Variants in NECAB2 observed in about 807,000 individuals in gnomAD.
The protein encoded by NECAB2 is N-terminal EF-hand calcium binding protein 2, also known as N-terminal EF-hand calcium-binding protein 2.
NECAB2 carries 68 observed loss-of-function variants against 51.9 expected under a neutral mutation model. The observed-to-expected ratio is 1.31, with a 90% CI of 1.08 to 1.60. The LOEUF (loss-of-function observed/expected upper bound fraction) is 1.60. NECAB2 is among the 40% of genes most tolerant of loss of function. NECAB2 has a pLI of 0.00. For missense variants in NECAB2, 854 were observed against 490.3 expected, an observed-to-expected ratio of 1.74 and a Z score of -7.00; for synonymous variants, 329 against 203.5, an observed-to-expected ratio of 1.62 and a Z score of -5.25.
At chr16:83,986,737 C>T (rs1341530063) in intron 5 of NECAB2, among the ~76,000 whole-genome samples, 1 of 145,090 alleles carries the variant, frequency 6.9e-6, no homozygotes, top group Non-Finnish European at 1.5e-5. Context: ...TTAGACTAGT[C>T]TCAAACTCCT....
intron 10 of NECAB2, among the ~76,000 whole-genome samples, chr16:83,998,694 G>A (rs769741886): frequency 3.3e-5 from 5 of 152,190 alleles, no homozygotes; most frequent in African/African-American, 1.2e-4. Context: ...AGGGGTTCCT[G>A]CACACTTAAG....
intron 6 of NECAB2, among the ~76,000 whole-genome samples, chr16:83,990,913 T>G (rs1268808968): frequency 6.6e-6 from 1 of 152,220 alleles, no homozygotes; most frequent in Non-Finnish European, 1.5e-5. Context: ...AGACTCTAAT[T>G]TGTTTTGCTG....
At chr16:83,987,586 A>G (rs571620488) in intron 5 of NECAB2, among the ~76,000 whole-genome samples, 6 of 150,662 alleles carry the variant, frequency 4.0e-5, no homozygotes, top group Admixed American at 1.3e-4. Context: ...TCAAAAATCT[A>G]TTTCCTGCTC....
At chr16:83,998,355 G>C (rs1013356258) in intron 10 of NECAB2, 38 bp downstream of exon 10, 29 of 1,595,246 alleles carry the variant, frequency 1.8e-5, no homozygotes, top group Non-Finnish European at 2.5e-5. Flanking sequence ...GATGGTGGCA[G>C]GGAGCTCTGC....
At chr16:83,999,044 C>T (rs1336339960) in intron 10 of NECAB2, among the ~76,000 whole-genome samples, 1 of 152,156 alleles carries the variant, frequency 6.6e-6, no homozygotes, top group Non-Finnish European at 1.5e-5. Context: ...CCCCAGAGCA[C>T]ACACTCATTC....
intron 9 of NECAB2, among the ~76,000 whole-genome samples, chr16:83,997,477 A>G (rs1382008262): frequency 3.6e-5 from 3 of 82,386 alleles, no homozygotes; most frequent in African/African-American, 1.3e-4. Context: ...GGCTCCCTGG[A>G]CCTTTTTTTT....
chr16:83,986,277 A>G (rs1005550742), intron 5 of NECAB2, among the ~76,000 whole-genome samples: 1 of 152,206 alleles, frequency 6.6e-6, no homozygotes, highest in African/African-American at 2.4e-5. Flanking sequence ...TCAGTCTCCC[A>G]AAGTGCTGGG....
rs764157707 is a variant in NECAB2 at position 83,998,239 on chromosome 16, G to A, written c.884G>A (p.Cys295Tyr). 1.9e-6 allele frequency: 3 copies of A among 1,612,154 alleles called. No homozygotes were observed. The highest frequency in any genetic ancestry group is 2.7e-5 in the African/African-American group (2 of 74,926). The change falls in exon 10 of 13, where the codon TGC becomes TAC. Residue 295 changes from cysteine (C) to tyrosine (Y), a missense_variant. By Grantham distance (194) the Cys-to-Tyr change is radical (BLOSUM62 -2). Coordinates refer to ENST00000305202, the MANE Select transcript of NECAB2 (RefSeq NM_019065.3). Reference sequence around the variant, plus strand: ...CTGGTCCGGCAGGAGATGGCCGTGTGCCCCGAGCAACTGAGCGAGTTTCTG... The same window carrying A: ...CTGGTCCGGCAGGAGATGGCCGTGTACCCCGAGCAACTGAGCGAGTTTCTG... ...LQLVRQEMAV[C>Y]PEQLSEFLDS...
At position 84,000,870 on chromosome 16, in the gene NECAB2, C is replaced by T. The variant is rs965650483; in HGVS notation, c.1040+69C>T. 141 of 1,509,134 alleles carry T rather than the reference C, an allele frequency of 9.3e-5. 1 individual carries two copies. The African/African-American group carries it at 1.9e-3, about 20-fold the overall frequency. The allele number at this position is 1,509,134 out of a possible 1,614,324, so 93.5% of individuals were successfully genotyped here. A position where few individuals can be genotyped will look rare whatever the true frequency, so the allele number is the denominator to read the frequency against. ...AGTGGGGGGGCTGTCTTCCTGGAGC[C>T]AGGCATCCTTGGAGGGGAGGGTAAG... On this transcript the variant is annotated intron_variant, in intron 11 of 12. Coordinates refer to ENST00000305202, the MANE Select transcript of NECAB2 (RefSeq NM_019065.3).
At chr16:83,997,306 C>T (rs539887944) in intron 9 of NECAB2, 37 bp downstream of exon 9, 19 of 1,612,980 alleles carry the variant, frequency 1.2e-5, no homozygotes, top group South Asian at 1.1e-4. Context: ...GGGACCACAT[C>T]CCTACCCATG....
chr16:83,986,509 G>T (rs1227471528), intron 5 of NECAB2, among the ~76,000 whole-genome samples: 1 of 152,068 alleles, frequency 6.6e-6, no homozygotes, highest in African/African-American at 2.4e-5. Context: ...CAAACTTCCT[G>T]TGCATTTCTG....
intron 3 of NECAB2, among the ~76,000 whole-genome samples, chr16:83,979,087 C>A (rs1166590471): frequency 6.6e-6 from 1 of 152,198 alleles, no homozygotes; most frequent in Non-Finnish European, 1.5e-5. Flanking sequence ...ACTCTGTCTC[C>A]ACCCATCTCT....
At chr16:83,997,779 C>T (rs1009742465) in intron 9 of NECAB2, among the ~76,000 whole-genome samples, 7 of 152,112 alleles carry the variant, frequency 4.6e-5, no homozygotes, top group African/African-American at 1.7e-4. Flanking sequence ...AGGCGTGAGC[C>T]ACCACACCTG....
chr16:83,995,867 G>T lies in NECAB2; in HGVS notation c.795+1179G>T, dbSNP rs561796844. 8.5e-5 allele frequency among the ~76,000 whole-genome samples: 13 copies of T among 152,332 alleles called. 1 individual carries two copies. The highest frequency in any genetic ancestry group is 5.9e-4 in the Admixed American group (9 of 15,302). On this transcript the variant is annotated intron_variant, in intron 8 of 12. Transcript: ENST00000305202. ...AAGCCAGCTGCGGGAGCGGCTCGGA[G>T]GGGACCCCGTGGCCCGGTTGTCATA...
Position 84,002,606 on chromosome 16 carries a change from G to T in NECAB2, c.*260G>T. ...CTGGAGCCAGCACCCCTGCCTCCTGGTCCTGGCCTCTCCCCTACCCCTCAC... is the reference window on the plus strand; with the variant it reads ...CTGGAGCCAGCACCCCTGCCTCCTGTTCCTGGCCTCTCCCCTACCCCTCAC... On this transcript the variant is annotated 3_prime_UTR_variant, in exon 13 of 13. Transcript: ENST00000305202. 1 of 575,560 alleles carries T rather than the reference G, an allele frequency of 1.7e-6. No homozygotes were observed. The highest frequency in any genetic ancestry group is 3.0e-5 in the East Asian group (1 of 33,750). 35.7% of individuals were successfully genotyped at this position (575,560 alleles called of 1,614,324 possible).
chr16:83,998,808 C>A (rs557411413), intron 10 of NECAB2, among the ~76,000 whole-genome samples: 2 of 152,292 alleles, frequency 1.3e-5, no homozygotes, highest in Non-Finnish European at 2.9e-5. Flanking sequence ...CCTTCTCCCC[C>A]TGATGTGCTG....
chr16:83,982,081 C>G (rs976353921), intron 5 of NECAB2, among the ~76,000 whole-genome samples: 17 of 152,216 alleles, frequency 1.1e-4, no homozygotes, highest in African/African-American at 3.6e-4. Context: ...CAAGTAAGGC[C>G]TCTGAGCTAT....
intron 5 of NECAB2, among the ~76,000 whole-genome samples, chr16:83,981,835 G>T (rs2084493299): frequency 6.6e-6 from 1 of 152,194 alleles, no homozygotes; most frequent in African/African-American, 2.4e-5. Flanking sequence ...CTGGGAGCAT[G>T]CAAGGGTGAG....
rs2084612937 is a variant in NECAB2 at position 83,990,710 on chromosome 16, G to A, written c.596+80G>A. 7.0e-6 allele frequency: 11 copies of A among 1,562,792 alleles called. No individual in the cohort carries two copies. In the South Asian group the frequency reaches 9.4e-5, roughly 13 times the overall value. On this transcript the variant is annotated intron_variant, in intron 6 of 12. Coordinates refer to ENST00000305202, the MANE Select transcript of NECAB2 (RefSeq NM_019065.3). ...TGCCCACCTGCTGCTTGGTGGGGATGTCTGTGTACCTAAGAGCTGGGTGAC... is the reference window on the plus strand; with the variant it reads ...TGCCCACCTGCTGCTTGGTGGGGATATCTGTGTACCTAAGAGCTGGGTGAC...
Sources: allele counts gnomAD v4.1 joint callset (sites outside exome capture counted in the v4.1 genomes callset), GRCh38; gene constraint gnomAD v4.1.1; transcripts MANE v1.5; gene names NCBI Gene and HGNC (gene_info 2026-07-23, HGNC 2026-07-21).